The following SWT1 variants were observed in gnomAD, a reference collection of about 807,000 sequenced individuals.
The protein encoded by SWT1 is SWT1 RNA endoribonuclease homolog, also known as transcriptional protein SWT1.
In SWT1, 33 loss-of-function variants were observed where a neutral mutation model predicts 107.3. The observed-to-expected ratio is 0.31, with a 90% CI of 0.23 to 0.41. The LOEUF (loss-of-function observed/expected upper bound fraction) is 0.41. Ranked by LOEUF, SWT1 falls within the 10% of genes least tolerant of loss-of-function variation. The probability of loss-of-function intolerance (pLI) is 1.00; values close to 1 mark genes in which losing one functional copy is unlikely to be tolerated. For synonymous variants in SWT1, 345 were observed against 348.3 expected (o/e 0.99, Z 0.11); for missense variants, 898 against 1,028.9 (o/e 0.87, Z 1.74).
At chr1:185,280,839 T>C in intron 18 of SWT1, 1 of 404,454 alleles carries the variant, frequency 2.5e-6, no homozygotes, top group South Asian at 1.9e-5. Flanking sequence ...TTGGGGTGTG[T>C]TGTGATGCCA....
chr1:185,182,165 C>T (rs747993173), intron 7 of SWT1, 108 bp downstream of exon 7: 47 of 1,116,640 alleles, frequency 4.2e-5, no homozygotes, highest in East Asian at 5.2e-5. Flanking sequence ...AATGTGCTCA[C>T]TTGAAATGAA....
intron 18 of SWT1, among the ~76,000 whole-genome samples, chr1:185,284,580 G>T (rs1664837495): frequency 6.6e-6 from 1 of 152,176 alleles, no homozygotes. Flanking sequence ...CTTGTTACAA[G>T]CAAATTTTTA....
intron 8 of SWT1, 26 bp downstream of exon 8, chr1:185,184,370 T>G: frequency 3.0e-6 from 4 of 1,311,864 alleles, no homozygotes; most frequent in Non-Finnish European, 4.3e-6. Flanking sequence ...ATTTAAAGAT[T>G]CTGATTTTCT....
In SWT1 at chr1:185,209,727, T is replaced by C. The variant is rs12037446; in HGVS notation, c.1972+2964T>C. Reference sequence around the variant, plus strand: ...TATGGTAGAATGATTTATAATCCTTTGGGTATATACCCAGTAATGGGATTG... The same window carrying C: ...TATGGTAGAATGATTTATAATCCTTCGGGTATATACCCAGTAATGGGATTG... On this transcript the variant is annotated intron_variant, in intron 13 of 18. Coordinates refer to ENST00000367500, the MANE Select transcript of SWT1 (RefSeq NM_017673.7). 3.2e-4 allele frequency among the ~76,000 whole-genome samples: 49 copies of C among 152,324 alleles called. No homozygotes were observed. The East Asian group carries it at 8.3e-3, about 26-fold the overall frequency.
intron 16 of SWT1, among the ~76,000 whole-genome samples, chr1:185,240,875 A>T (rs892300222): frequency 6.6e-6 from 1 of 152,174 alleles, no homozygotes; most frequent in African/African-American, 2.4e-5. Flanking sequence ...CTCCTACCCC[A>T]TTTTAACGTA....
At chr1:185,277,682 G>A (rs1002648150) in intron 18 of SWT1, among the ~76,000 whole-genome samples, 1 of 152,126 alleles carries the variant, frequency 6.6e-6, no homozygotes, top group African/African-American at 2.4e-5. Flanking sequence ...CCCAGACCAT[G>A]TTTTCAAGAA....
At chr1:185,236,634 A>G (rs1660900499) in intron 16 of SWT1, among the ~76,000 whole-genome samples, 1 of 152,222 alleles carries the variant, frequency 6.6e-6, no homozygotes, top group South Asian at 2.1e-4. Flanking sequence ...AAACCTAGGC[A>G]ATACCATTCA....
chr1:185,193,592 G>A (rs1170118714), intron 10 of SWT1, among the ~76,000 whole-genome samples: 2 of 151,452 alleles, frequency 1.3e-5, no homozygotes, highest in African/African-American at 4.9e-5. Flanking sequence ...TTAGCCTCCC[G>A]AGTAGCTGGG....
intron 16 of SWT1, chr1:185,251,222 C>T (rs1661993518): frequency 6.6e-6 from 1 of 152,230 alleles, no homozygotes; most frequent in South Asian, 2.1e-4. Flanking sequence ...ACATCCTGAA[C>T]TGGTGCCACC....
intron 16 of SWT1, among the ~76,000 whole-genome samples, chr1:185,249,551 C>T (rs561324983): frequency 1.4e-3 from 209 of 152,182 alleles, no homozygotes; most frequent in African/African-American, 4.8e-3. Flanking sequence ...AGGCAAGGCT[C>T]CCTGGGTATG....
At chr1:185,227,764 G>T in intron 15 of SWT1, 2 of 411,772 alleles carry the variant, frequency 4.9e-6, no homozygotes, top group South Asian at 4.0e-5. Flanking sequence ...AGCTCTAGCG[G>T]GGGAGAAAGG....
chr1:185,256,399 C>G (rs1662523762), intron 16 of SWT1, among the ~76,000 whole-genome samples: 1 of 150,600 alleles, frequency 6.6e-6, no homozygotes, highest in South Asian at 2.1e-4. Context: ...TCCATTCTCC[C>G]CATCACTTTC....
chr1:185,273,685 A>G (rs1664047993), intron 17 of SWT1, among the ~76,000 whole-genome samples: 1 of 152,216 alleles, frequency 6.6e-6, no homozygotes, highest in African/African-American at 2.4e-5. Flanking sequence ...CCCAGGCGAC[A>G]GTGTGAGACT....
chr1:185,176,634 A>G (rs1215824960), intron 5 of SWT1: 13 of 985,240 alleles, frequency 1.3e-5, no homozygotes, highest in Non-Finnish European at 1.4e-5. Flanking sequence ...AAATTCTGAA[A>G]TGTAGAGACC....
At chr1:185,261,133 C>T (rs1222273489) in intron 16 of SWT1, among the ~76,000 whole-genome samples, 1 of 152,090 alleles carries the variant, frequency 6.6e-6, no homozygotes, top group Non-Finnish European at 1.5e-5. Context: ...GAATTCTTTT[C>T]ATCTCGTAAA....
Position 185,290,674 on chromosome 1 carries a change from G to A in SWT1, c.2574G>A (p.Arg858=), listed in dbSNP as rs746252852. Residue 858 remains arginine, a splice_region_variant and synonymous_variant, in exon 19 of 19, where the codon AGG becomes AGA. Coordinates refer to ENST00000367500, the MANE Select transcript of SWT1 (RefSeq NM_017673.7). ...IYDCVSQTEY[R]EKLTIGCRQL... ...GATTTAATATTTCTTTTTCTCCTAGGGAAAAGTTAACCATTGGATGCCGCC... is the reference window on the plus strand; with the variant it reads ...GATTTAATATTTCTTTTTCTCCTAGAGAAAAGTTAACCATTGGATGCCGCC... 5.9e-5 allele frequency: 92 copies of A among 1,562,892 alleles called. No individual in the cohort carries two copies. The highest frequency in any genetic ancestry group is 7.0e-5 in the Non-Finnish European group (81 of 1,152,388).
intron 10 of SWT1, among the ~76,000 whole-genome samples, chr1:185,195,246 G>A (rs7522617): frequency 0.43 from 66,065 of 151,978 alleles, 15,821 homozygotes; most frequent in African/African-American, 0.65. Flanking sequence ...AGGACATGCA[G>A]TGTGTGGTTT....
At chr1:185,272,669 G>T (rs1234889556) in intron 17 of SWT1, among the ~76,000 whole-genome samples, 1 of 152,132 alleles carries the variant, frequency 6.6e-6, no homozygotes, top group African/African-American at 2.4e-5. Flanking sequence ...ACAATAGTAG[G>T]TAAATTATTT....
chr1:185,253,757 G>A (rs886886606), intron 16 of SWT1, among the ~76,000 whole-genome samples: 3 of 151,792 alleles, frequency 2.0e-5, no homozygotes, highest in African/African-American at 7.3e-5. Context: ...TTTCCTAATT[G>A]AATACCTTTT....
Sources: gnomAD v4.1 joint callset for allele counts (sites outside exome capture counted in the v4.1 genomes callset) on GRCh38, gnomAD v4.1.1 for gene constraint, MANE v1.5 for transcripts, NCBI Gene and HGNC (gene_info 2026-07-23, HGNC 2026-07-21) for gene names.